ROBO2: variants seen among roughly 807,000 people sequenced by gnomAD.
The protein encoded by ROBO2 is roundabout homolog 2.
A neutral mutation model predicts 160.8 loss-of-function variants in ROBO2; 53 were observed. That is an observed-to-expected ratio of 0.33 (90% CI 0.26 to 0.41). ROBO2 has a LOEUF of 0.41. ROBO2 is among the 10% of genes least tolerant of loss of function. ROBO2 has a pLI of 1.00. For missense variants in ROBO2, 1,577 were observed against 1,722.4 expected, an observed-to-expected ratio of 0.92 and a Z score of 1.49; for synonymous variants, 664 against 611.7, an observed-to-expected ratio of 1.09 and a Z score of -1.26.
At chr3:76,493,836 G>A (rs541343716) in intron 2 of ROBO2, among the ~76,000 whole-genome samples, 1 of 152,212 alleles carries the variant, frequency 6.6e-6, no homozygotes, top group East Asian at 1.9e-4. Flanking sequence ...CTCAATAACA[G>A]AAAGTAATTT....
At position 77,191,428 on chromosome 3, in the gene ROBO2, T is replaced by G. The variant is rs1175992988; in HGVS notation, c.388+93088T>G. The stretch of plus-strand genomic sequence containing the variant: ...GGGATTTCACTAGATCATTCAACTC[T>G]TTAAAATTGTGGCCTAAGACAGATA... On this transcript the variant is annotated intron_variant, in intron 2 of 25. Transcript: ENST00000461745. 2.0e-5 allele frequency among the ~76,000 whole-genome samples: 3 copies of G among 152,154 alleles called. No individual in the cohort carries two copies. The East Asian group carries it at 5.8e-4, about 29-fold the overall frequency.
chr3:76,290,025 A>C (rs1708726861), intron 2 of ROBO2, among the ~76,000 whole-genome samples: 1 of 152,066 alleles, frequency 6.6e-6, no homozygotes, highest in African/African-American at 2.4e-5. Flanking sequence ...CCCTAATTCT[A>C]TAAAAACTGT....
At chr3:77,617,742 G>T in exon 22 of ROBO2, 1 of 1,613,752 alleles carries the variant, frequency 6.2e-7, no homozygotes, top group Non-Finnish European at 8.5e-7. Context: ...GTTGACAAGA[G>T]CCTATCAGTT....
intron 2 of ROBO2, among the ~76,000 whole-genome samples, chr3:76,242,340 C>T (rs1321780342): frequency 6.6e-6 from 1 of 152,112 alleles, no homozygotes; most frequent in African/African-American, 2.4e-5. Context: ...CCCTATGGAG[C>T]GGGGCAGTCT....
At chr3:76,485,282 G>A (rs2079433430) in intron 2 of ROBO2, among the ~76,000 whole-genome samples, 2 of 151,930 alleles carry the variant, frequency 1.3e-5, no homozygotes, top group African/African-American at 4.8e-5. Flanking sequence ...TCAGGCACTA[G>A]ATTCTCACAA....
In ROBO2 at chr3:77,165,020, G is replaced by C. The variant is rs547128140; in HGVS notation, c.388+66680G>C. Among the ~76,000 whole-genome samples, 452 of 152,052 alleles carry C rather than the reference G, an allele frequency of 3.0e-3. 4 individuals carry two copies. Among genetic ancestry groups the C allele is most frequent in the African/African-American group, 1.0e-2 (413 of 41,490 alleles). On this transcript the variant is annotated intron_variant, in intron 2 of 25. Transcript: ENST00000461745. ...TGCCCGGCGGCCCTTACTGGGAGGT[G>C]AGGAGCCCCTCTGCCCGGCCACCAC...
At chr3:77,349,122 C>T (rs1316976770) in intron 2 of ROBO2, among the ~76,000 whole-genome samples, 5 of 151,958 alleles carry the variant, frequency 3.3e-5, no homozygotes, top group Non-Finnish European at 1.5e-5. Context: ...ACTGCCAGTG[C>T]TAGATGAGAG....
intron 2 of ROBO2, among the ~76,000 whole-genome samples, chr3:76,525,465 C>T (rs770431165): frequency 6.6e-6 from 1 of 151,876 alleles, no homozygotes; most frequent in African/African-American, 2.4e-5. Flanking sequence ...AAGGCAAGAA[C>T]GTAAGCATTG....
At chr3:76,044,463 T>A (rs2067381725) in intron 2 of ROBO2, among the ~76,000 whole-genome samples, 1 of 152,058 alleles carries the variant, frequency 6.6e-6, no homozygotes, top group Non-Finnish European at 1.5e-5. Flanking sequence ...CTTTTTTTGT[T>A]ATTATTGTAA....
chr3:77,104,861 T>C (rs894141572), intron 2 of ROBO2, among the ~76,000 whole-genome samples: 2 of 152,204 alleles, frequency 1.3e-5, no homozygotes, highest in African/African-American at 4.8e-5. Context: ...ATTAACCATA[T>C]GGAAACAACG....
chr3:75,962,935 T>C (rs769986334), intron 2 of ROBO2, among the ~76,000 whole-genome samples: 23 of 151,814 alleles, frequency 1.5e-4, no homozygotes, highest in Non-Finnish European at 2.8e-4. Context: ...GAATGACTGA[T>C]CTCATTAACG....
At chr3:76,226,541 A>G (rs550692254) in intron 2 of ROBO2, among the ~76,000 whole-genome samples, 54 of 152,294 alleles carry the variant, frequency 3.5e-4, no homozygotes, top group Non-Finnish European at 5.3e-4. Flanking sequence ...AAATTGTAAG[A>G]ATTCTATGCA....
At chr3:77,131,817 T>C (rs1258511821) in intron 2 of ROBO2, among the ~76,000 whole-genome samples, 1 of 152,174 alleles carries the variant, frequency 6.6e-6, no homozygotes, top group Non-Finnish European at 1.5e-5. Context: ...TTAGGAAATA[T>C]TCTTTTGTTT....
intron 2 of ROBO2, among the ~76,000 whole-genome samples, chr3:76,890,193 C>T (rs1262563448): frequency 6.6e-6 from 1 of 151,492 alleles, no homozygotes; most frequent in Non-Finnish European, 1.5e-5. Context: ...TACCAAGTGC[C>T]AGGCGTTGAA....
At chr3:77,461,436 A>G (rs2082231984) in intron 2 of ROBO2, among the ~76,000 whole-genome samples, 1 of 152,076 alleles carries the variant, frequency 6.6e-6, no homozygotes, top group Non-Finnish European at 1.5e-5. Context: ...ATGGAATATA[A>G]TACATTTTAT....
At chr3:75,927,894 C>T (rs547381887) in intron 1 of ROBO2, among the ~76,000 whole-genome samples, 1 of 151,616 alleles carries the variant, frequency 6.6e-6, no homozygotes, top group South Asian at 2.1e-4. Flanking sequence ...AGTGTGATAA[C>T]TGAAGATATA....
At chr3:76,006,737 C>T (rs1237886455) in intron 2 of ROBO2, among the ~76,000 whole-genome samples, 8 of 152,050 alleles carry the variant, frequency 5.3e-5, no homozygotes, top group African/African-American at 7.2e-5. Flanking sequence ...GCTATTTTAA[C>T]TTTTAGACAT....
chr3:77,141,667 A>G (rs1278670790), intron 2 of ROBO2, among the ~76,000 whole-genome samples: 1 of 152,148 alleles, frequency 6.6e-6, no homozygotes, highest in East Asian at 1.9e-4. Flanking sequence ...GATAGCAGTG[A>G]CCTTTCTGGA....
chr3:77,558,960 T>A (rs2153659334), intron 9 of ROBO2, among the ~76,000 whole-genome samples: 1 of 152,188 alleles, frequency 6.6e-6, no homozygotes, highest in South Asian at 2.1e-4. Context: ...AGAGTTGCCG[T>A]CTCATCTGAA....
Sources: gnomAD v4.1 joint callset for allele counts (sites outside exome capture counted in the v4.1 genomes callset) on GRCh38, gnomAD v4.1.1 for gene constraint, MANE v1.5 for transcripts, NCBI Gene and HGNC (gene_info 2026-07-23, HGNC 2026-07-21) for gene names.